Variants in RICTOR observed in about 807,000 individuals in gnomAD.
RICTOR encodes the protein rapamycin-insensitive companion of mTOR.
A neutral mutation model predicts 214.9 loss-of-function variants in RICTOR; 49 were observed. The ratio of observed to expected loss-of-function variants is 0.23; its 90% CI spans 0.18 to 0.29. The LOEUF is 0.29. Among genes scored for constraint, RICTOR ranks in the 10% least tolerant of loss-of-function variants. RICTOR has a pLI of 1.00. For missense variants in RICTOR, 1,625 were observed against 2,047.0 expected (o/e 0.79, Z 3.98); for synonymous variants, 717 against 711.3 (o/e 1.01, Z -0.13).
At chr5:38,995,397 C>T (rs1224925201) in intron 6 of RICTOR, among the ~76,000 whole-genome samples, 1 of 151,960 alleles carries the variant, frequency 6.6e-6, no homozygotes, top group Admixed American at 6.6e-5. Context: ...ATATAATTAA[C>T]TTGGGGACCA....
At chr5:38,964,420 G>T (rs1750044212) in intron 16 of RICTOR, among the ~76,000 whole-genome samples, 1 of 151,556 alleles carries the variant, frequency 6.6e-6, no homozygotes. Flanking sequence ...GCAAATAAAA[G>T]AATATATTAA....
intron 11 of RICTOR, chr5:38,970,578 C>T: frequency 6.6e-6 from 1 of 152,068 alleles, no homozygotes; most frequent in East Asian, 1.9e-4. Context: ...CACATTTAAA[C>T]AAGGCACACC....
intron 2 of RICTOR, among the ~76,000 whole-genome samples, chr5:39,041,412 A>G (rs1028606410): frequency 2.0e-5 from 3 of 152,180 alleles, no homozygotes; most frequent in Non-Finnish European, 4.4e-5. Context: ...AACATATCTT[A>G]TATCTTTGGG....
intron 3 of RICTOR, among the ~76,000 whole-genome samples, chr5:39,019,337 T>A (rs1336419843): frequency 6.6e-6 from 1 of 152,096 alleles, no homozygotes; most frequent in Non-Finnish European, 1.5e-5. Flanking sequence ...ATCGAGAACT[T>A]TCATAACTAG....
intron 4 of RICTOR, 81 bp from the exon 5 acceptor site, chr5:39,002,747 A>G (rs1377781727): frequency 7.1e-7 from 1 of 1,408,070 alleles, no homozygotes; most frequent in Non-Finnish European, 9.7e-7. Context: ...ATTATTCCTC[A>G]GCCAAAATAT....
At chr5:39,012,823 C>T (rs1297928795) in intron 3 of RICTOR, among the ~76,000 whole-genome samples, 1 of 152,098 alleles carries the variant, frequency 6.6e-6, no homozygotes, top group Non-Finnish European at 1.5e-5. Flanking sequence ...ACTCCCCATG[C>T]CATCCATGCA....
Position 38,940,351 on chromosome 5 carries a change from C to A in RICTOR, c.*1953G>T, listed in dbSNP as rs1020093480. 1 of 231,144 alleles carries A rather than the reference C, an allele frequency of 4.3e-6. No homozygotes were observed. Among genetic ancestry groups the A allele is most frequent in the Non-Finnish European group, 8.6e-6 (1 of 116,670 alleles). 14.3% of individuals were successfully genotyped at this position (231,144 alleles called of 1,614,324 possible). On this transcript the variant is annotated 3_prime_UTR_variant, in exon 38 of 38. Transcript: ENST00000357387. ...CTGAGGTAGTGTTTAAAATGAATGTCTAAAATATGTTAATCCCATTATGAA... is the reference window on the plus strand; with the variant it reads ...CTGAGGTAGTGTTTAAAATGAATGTATAAAATATGTTAATCCCATTATGAA...
chr5:39,011,033 G>A (rs991679343), intron 3 of RICTOR, among the ~76,000 whole-genome samples: 2 of 152,174 alleles, frequency 1.3e-5, no homozygotes, highest in Non-Finnish European at 2.9e-5. Flanking sequence ...AGGGAAAAAT[G>A]TCTCCAAGGC....
At chr5:39,042,663 T>C (rs779810946) in intron 2 of RICTOR, among the ~76,000 whole-genome samples, 9 of 152,248 alleles carry the variant, frequency 5.9e-5, no homozygotes, top group Admixed American at 1.3e-4. Context: ...ATTTGATGTT[T>C]ATCTCCCTAT....
At chr5:38,975,640 G>A in intron 9 of RICTOR, 36 bp from the exon 10 acceptor site, 1 of 1,527,906 alleles carries the variant, frequency 6.5e-7, no homozygotes, top group South Asian at 1.1e-5. Context: ...GAGAATCAAT[G>A]AAATAAAATG....
intron 6 of RICTOR, among the ~76,000 whole-genome samples, chr5:38,996,103 G>A (rs1278811054): frequency 6.6e-6 from 1 of 152,124 alleles, no homozygotes; most frequent in Admixed American, 6.5e-5. Flanking sequence ...AAATTCAACT[G>A]GAAAATATTT....
At chr5:38,946,269 A>G (rs933351600) in intron 33 of RICTOR, among the ~76,000 whole-genome samples, 199 bp downstream of exon 33, 7 of 152,210 alleles carry the variant, frequency 4.6e-5, no homozygotes, top group Non-Finnish European at 1.5e-5. Context: ...ACTTCACTGA[A>G]AACACTGTTA....
intron 4 of RICTOR, among the ~76,000 whole-genome samples, chr5:39,002,998 CAT>C (rs760519884): frequency 1.5e-4 from 23 of 152,110 alleles, no homozygotes; most frequent in Non-Finnish European, 3.4e-4. Flanking sequence ...CAAGCTGTAC[CAT>C]TTGTGTCTCT....
rs750067124 is a variant in RICTOR, at chr5:38,962,346, G to C, written c.1684C>G (p.Leu562Val). Reference sequence around the variant, plus strand: ...AACTGTTCATCTTTATAGTTTCTTAGATTTACATTTGGCCACTAGAAAAAC... The same window carrying C: ...AACTGTTCATCTTTATAGTTTCTTACATTTACATTTGGCCACTAGAAAAAC... ...GTILKWPNVNLRNYKDEQLHR... is the reference protein window; with the variant it reads ...GTILKWPNVNVRNYKDEQLHR... Residue 562 changes from leucine (L) to valine (V), a missense_variant, in exon 19 of 38, where the codon CTA (leucine) becomes GTA (valine). By Grantham distance (32) the Leu-to-Val change is conservative. Coordinates refer to ENST00000357387, the MANE Select transcript of RICTOR (RefSeq NM_152756.5). The C allele has an allele frequency of 1.1e-5, 16 of 1,427,176 alleles. No individual in the cohort carries two copies. The South Asian group carries it at 1.5e-4, about 13-fold the overall frequency. 88.4% of individuals were successfully genotyped at this position (1,427,176 alleles called of 1,614,324 possible). A position where few individuals can be genotyped will look rare whatever the true frequency, so the allele number is the denominator to read the frequency against.
chr5:39,051,064 C>CAT (rs60613646), intron 2 of RICTOR, among the ~76,000 whole-genome samples: 1 of 150,442 alleles, frequency 6.6e-6, no homozygotes, highest in African/African-American at 2.5e-5. Context: ...CACACACACA[C>CAT]GCACCTACAC....
intron 7 of RICTOR, among the ~76,000 whole-genome samples, chr5:38,984,965 G>A (rs1322017548): frequency 1.3e-5 from 2 of 151,696 alleles, no homozygotes; most frequent in Admixed American, 1.3e-4. Flanking sequence ...GACTATATGC[G>A]TACCTTTTTT....
At chr5:39,033,772 G>C (rs1756446245) in intron 2 of RICTOR, among the ~76,000 whole-genome samples, 1 of 152,030 alleles carries the variant, frequency 6.6e-6, no homozygotes, top group African/African-American at 2.4e-5. Flanking sequence ...TTTGTACACT[G>C]AACCTCAGCA....
chr5:38,954,843 G>C lies in RICTOR; in HGVS notation c.2628C>G (p.Val876=). The change falls in exon 27 of 38, where the codon GTC becomes GTG. Residue 876 remains valine, a synonymous_variant. Transcript: ENST00000357387. Reference sequence around the variant, plus strand: ...GTCCATAAAGGTGTATAGGCAGGTAGACGTGAGGACGCTGTAATCTAGTAT... The same window carrying C: ...GTCCATAAAGGTGTATAGGCAGGTACACGTGAGGACGCTGTAATCTAGTAT... ...RSNQRLQRPH[V]YLPIHLYGQL... is the part of the protein sequence containing the mutation. The C allele has an allele frequency of 6.3e-7, 1 of 1,587,396 alleles. No individual in the cohort carries two copies. The highest frequency in any genetic ancestry group is 8.6e-7 in the Non-Finnish European group (1 of 1,156,866).
chr5:38,954,716 A>G, intron 27 of RICTOR, 58 bp downstream of exon 27: 1 of 1,056,260 alleles, frequency 9.5e-7, no homozygotes, highest in Admixed American at 1.9e-5. Flanking sequence ...AGCAATGTTA[A>G]GATTTTGTTT....
Sources: gnomAD v4.1 joint callset for allele counts (sites outside exome capture counted in the v4.1 genomes callset) on GRCh38, gnomAD v4.1.1 for gene constraint, MANE v1.5 for transcripts, NCBI Gene and HGNC (gene_info 2026-07-23, HGNC 2026-07-21) for gene names.